Variants in NDUFB6 observed in about 807,000 individuals in gnomAD.
NDUFB6 encodes NADH:ubiquinone oxidoreductase subunit B6, also known as NADH dehydrogenase [ubiquinone] 1 beta subcomplex subunit 6.
In NDUFB6, 23 loss-of-function variants were observed where a neutral mutation model predicts 17.5. That is an observed-to-expected ratio of 1.31 (90% CI 0.94 to 1.86). NDUFB6 has a LOEUF of 1.86. NDUFB6 is among the 40% of genes most tolerant of loss of function. The pLI, the probability that NDUFB6 is intolerant of heterozygous loss-of-function variation, is 0.00. For missense variants in NDUFB6, 167 were observed against 153.8 expected (o/e 1.09, Z -0.46); for synonymous variants, 60 against 53.5 (o/e 1.12, Z -0.53).
chr9:32,567,218 A>T (rs1175433413), intron 2 of NDUFB6: 1 of 474,288 alleles, frequency 2.1e-6, no homozygotes, highest in Non-Finnish European at 4.4e-6. Context: ...ACAGGGCTCT[A>T]CACCAGGTGT....
At chr9:32,571,589 T>A (rs999867329) in intron 1 of NDUFB6, among the ~76,000 whole-genome samples, 15 of 152,122 alleles carry the variant, frequency 9.9e-5, no homozygotes, top group African/African-American at 2.9e-4. Context: ...AACACTATTT[T>A]AAAAAAGAAC....
intron 2 of NDUFB6, among the ~76,000 whole-genome samples, chr9:32,561,938 T>A (rs1470432830): frequency 6.6e-6 from 1 of 152,240 alleles, no homozygotes; most frequent in Non-Finnish European, 1.5e-5. Context: ...TTTCAATGTT[T>A]TTCTTTGTTT....
At chr9:32,560,862 G>A (rs1563993673) in intron 2 of NDUFB6, among the ~76,000 whole-genome samples, 1 of 151,918 alleles carries the variant, frequency 6.6e-6, no homozygotes, top group African/African-American at 2.4e-5. Flanking sequence ...AAAGAATTAG[G>A]AAAAAAATAT....
At chr9:32,559,507 C>G (rs1217267750) in intron 2 of NDUFB6, among the ~76,000 whole-genome samples, 1 of 152,098 alleles carries the variant, frequency 6.6e-6, no homozygotes, top group African/African-American at 2.4e-5. Flanking sequence ...GTCTTTTCTC[C>G]CTCACTTACT....
chr9:32,572,129 C>A (rs1308277760), intron 1 of NDUFB6, among the ~76,000 whole-genome samples: 5 of 152,192 alleles, frequency 3.3e-5, no homozygotes, highest in Admixed American at 3.3e-4. Context: ...GAGTGCCAAG[C>A]ACACAGCAAG....
In NDUFB6 at chr9:32,553,113, T is replaced by C; in HGVS notation, c.*763A>G. ...TCTCATGACAAAATTAACAGCAACC[T>C]AAATCTGACAGTCTTGAGTGTCAGA... On this transcript the variant is annotated 3_prime_UTR_variant, in exon 4 of 4. Coordinates refer to ENST00000379847, the MANE Select transcript of NDUFB6 (RefSeq NM_002493.5). 6.2e-6 allele frequency: 3 copies of C among 486,024 alleles called. No individual in the cohort carries two copies. The highest frequency in any genetic ancestry group is 1.1e-5 in the Non-Finnish European group (3 of 278,992). 30.1% of individuals were successfully genotyped at this position (486,024 alleles called of 1,614,324 possible). A position where few individuals can be genotyped will look rare whatever the true frequency, so the allele number is the denominator to read the frequency against.
At chr9:32,566,821 G>T in intron 2 of NDUFB6, 2 of 881,480 alleles carry the variant, frequency 2.3e-6, no homozygotes, top group Non-Finnish European at 1.9e-6. Context: ...CTCTGCCTCT[G>T]TGGGGGCCTG....
In NDUFB6 at chr9:32,553,194, G is replaced by C; in HGVS notation, c.*682C>G. 1 of 301,442 alleles carries C rather than the reference G, an allele frequency of 3.3e-6. No homozygotes were observed. Among genetic ancestry groups the C allele is most frequent in the Non-Finnish European group, 6.1e-6 (1 of 163,568 alleles). The allele number at this position is 301,442 out of a possible 1,614,324, so 18.7% of individuals were successfully genotyped here. On this transcript the variant is annotated 3_prime_UTR_variant, in exon 4 of 4. Coordinates refer to ENST00000379847, the MANE Select transcript of NDUFB6 (RefSeq NM_002493.5). ...TTCTAAATTCTTCAAAAATGATTCGGAAAGCTTTTTTTTTTTTTGAGACGG... is the reference window on the plus strand; with the variant it reads ...TTCTAAATTCTTCAAAAATGATTCGCAAAGCTTTTTTTTTTTTTGAGACGG...
chr9:32,564,857 T>C (rs943948817), intron 2 of NDUFB6, among the ~76,000 whole-genome samples: 1 of 152,356 alleles, frequency 6.6e-6, no homozygotes, highest in South Asian at 2.1e-4. Context: ...TTTTGCACTA[T>C]GTAAATGTAT....
intron 2 of NDUFB6, chr9:32,567,751 A>G (rs1200294165): frequency 3.1e-6 from 1 of 318,200 alleles, no homozygotes; most frequent in Non-Finnish European, 6.5e-6. Context: ...TGAATTTAAT[A>G]AGTAAATGTT....
intron 3 of NDUFB6, among the ~76,000 whole-genome samples, chr9:32,558,362 T>C (rs1003365571): frequency 8.5e-5 from 13 of 152,172 alleles, no homozygotes; most frequent in Admixed American, 2.6e-4. Context: ...CCACCCATCT[T>C]GGCCTCCCAA....
At chr9:32,570,063 T>TGTCA (rs1477999181) in intron 2 of NDUFB6, among the ~76,000 whole-genome samples, 1 of 152,172 alleles carries the variant, frequency 6.6e-6, no homozygotes, top group East Asian at 1.9e-4. Flanking sequence ...ACCCATCTCC[T>TGTCA]GTCACCACAA....
chr9:32,570,799 C>T (rs539103278), intron 2 of NDUFB6, among the ~76,000 whole-genome samples, 161 bp downstream of exon 2: 99 of 152,200 alleles, frequency 6.5e-4, no homozygotes, highest in African/African-American at 2.2e-3. Context: ...AAACTATACC[C>T]AATTATGTAA....
At chr9:32,566,044 T>C (rs1057008847) in intron 2 of NDUFB6, 1 of 359,946 alleles carries the variant, frequency 2.8e-6, no homozygotes, top group Admixed American at 4.1e-5. Flanking sequence ...TTTTTTAAGG[T>C]TTTTTCCAGG....
intron 2 of NDUFB6, chr9:32,567,134 G>A (rs2119029522): frequency 2.1e-6 from 1 of 479,230 alleles, no homozygotes; most frequent in South Asian, 1.5e-5. Flanking sequence ...CACTGCAGAT[G>A]TACTCAACGC....
intron 3 of NDUFB6, among the ~76,000 whole-genome samples, chr9:32,557,853 CCT>C (rs1821511798): frequency 6.6e-6 from 1 of 152,122 alleles, no homozygotes; most frequent in Admixed American, 6.5e-5. Flanking sequence ...CTAAAATTCC[CCT>C]GTTGCAACAG....
chr9:32,566,598 C>T (rs1479545707), intron 2 of NDUFB6: 18 of 785,506 alleles, frequency 2.3e-5, no homozygotes, highest in African/African-American at 1.4e-4. Context: ...GCGGAGGACC[C>T]GCAGGAATTC....
intron 2 of NDUFB6, 39 bp downstream of exon 2, chr9:32,570,921 G>T (rs574789301): frequency 1.4e-6 from 2 of 1,389,562 alleles, no homozygotes; most frequent in African/African-American, 2.9e-5. Context: ...AGTAATTTTG[G>T]ACAATATTAA....
At chr9:32,569,801 C>A (rs1465850451) in intron 2 of NDUFB6, among the ~76,000 whole-genome samples, 2 of 152,182 alleles carry the variant, frequency 1.3e-5, no homozygotes, top group African/African-American at 4.8e-5. Flanking sequence ...CAGGTGGGAG[C>A]CACCACACAT....
Sources: gnomAD v4.1 joint callset for allele counts (sites outside exome capture counted in the v4.1 genomes callset) on GRCh38, gnomAD v4.1.1 for gene constraint, MANE v1.5 for transcripts, NCBI Gene and HGNC (gene_info 2026-07-23, HGNC 2026-07-21) for gene names.